The following LRP4 variants were observed in gnomAD, a reference collection of about 807,000 sequenced individuals.
LRP4 encodes LDL receptor related protein 4, also known as low-density lipoprotein receptor-related protein 4.
LRP4 carries 95 observed loss-of-function variants against 220.3 expected under a neutral mutation model. The ratio of observed to expected loss-of-function variants is 0.43; its 90% confidence interval spans 0.37 to 0.51. The LOEUF (loss-of-function observed/expected upper bound fraction) is 0.51. Among genes scored for constraint, LRP4 ranks in the 20% least tolerant of loss-of-function variants. LRP4 has a pLI of 0.00. For synonymous variants in LRP4, 903 were observed against 954.6 expected (o/e 0.95, Z 1.00); for missense variants, 1,925 against 2,567.0 (o/e 0.75, Z 5.40).
chr11:46,885,942 A>T (rs1941283214), intron 18 of LRP4, 149 bp downstream of exon 18: 1 of 741,600 alleles, frequency 1.3e-6, no homozygotes, highest in Non-Finnish European at 2.4e-6. Flanking sequence ...TCGGCTCTGC[A>T]GCAGCCCTCC....
chr11:46,858,725 G>C lies in LRP4; in HGVS notation c.*258C>G. On this transcript the variant is annotated 3_prime_UTR_variant, in exon 38 of 38. Transcript: ENST00000378623. ...GAATCACGAATAAGCAGTTTCAGGGGGCCCAGGATGGAGTACAAGATGTGA... is the reference window on the plus strand; with the variant it reads ...GAATCACGAATAAGCAGTTTCAGGGCGCCCAGGATGGAGTACAAGATGTGA... 1 of 520,234 alleles carries C rather than the reference G, an allele frequency of 1.9e-6. No homozygotes were observed. The highest frequency in any genetic ancestry group is 3.5e-6 in the Non-Finnish European group (1 of 284,604). The allele number at this position is 520,234 out of a possible 1,614,324, so 32.2% of individuals were successfully genotyped here.
chr11:46,869,918 C>A (rs1940815077), intron 31 of LRP4, among the ~76,000 whole-genome samples: 1 of 151,938 alleles, frequency 6.6e-6, no homozygotes, highest in African/African-American at 2.4e-5. Context: ...CCAGCCTGAC[C>A]AACATGGTGA....
intron 35 of LRP4, 123 bp downstream of exon 35, chr11:46,864,996 A>G (rs1940656354): frequency 2.4e-6 from 2 of 839,656 alleles, no homozygotes. Flanking sequence ...TATTATTTCT[A>G]TGGACTTAGT....
rs1941503315 is a variant in LRP4 at position 46,895,311 on chromosome 11, C to A, written c.1184-20G>T. On this transcript the variant is annotated intron_variant, in intron 10 of 37. Transcript: ENST00000378623. ...TCACATCTGGGAACACCAGGCAGGT[C>A]AAGAGATCTCCCTTCTGTCGTCCTC... 1 of 1,610,714 alleles carries A rather than the reference C, an allele frequency of 6.2e-7. No individual in the cohort carries two copies. Among genetic ancestry groups the A allele is most frequent in the African/African-American group, 1.3e-5 (1 of 74,938 alleles).
At chr11:46,903,522 C>CA (rs904959244) in intron 1 of LRP4, among the ~76,000 whole-genome samples, 15 of 150,112 alleles carry the variant, frequency 1.0e-4, no homozygotes, top group Non-Finnish European at 1.5e-4. Flanking sequence ...CAACCCCCTC[C>CA]AAAAAAAAAT....
chr11:46,913,754 CAG>C (rs943535933), intron 1 of LRP4, among the ~76,000 whole-genome samples: 2 of 152,134 alleles, frequency 1.3e-5, no homozygotes, highest in African/African-American at 4.8e-5. Context: ...GGGAAACTCT[CAG>C]AGGAAAAGCT....
At chr11:46,869,394 T>C (rs1940799144) in intron 31 of LRP4, among the ~76,000 whole-genome samples, 1 of 152,222 alleles carries the variant, frequency 6.6e-6, no homozygotes, top group Non-Finnish European at 1.5e-5. Flanking sequence ...AGCAATTTGT[T>C]TACTGGTCTG....
intron 32 of LRP4, 122 bp from the exon 33 acceptor site, chr11:46,868,835 T>G (rs975088086): frequency 7.0e-6 from 9 of 1,277,836 alleles, no homozygotes; most frequent in Admixed American, 1.8e-5. Context: ...GGAGGAGAGA[T>G]ACAACCGCGA....
Position 46,899,152 on chromosome 11 carries a change from C to G in LRP4, c.548-120G>C. 9.5e-7 allele frequency: 1 copy of G among 1,052,012 alleles called. No homozygotes were observed. Among genetic ancestry groups the G allele is most frequent in the South Asian group, 1.4e-5 (1 of 69,818 alleles). The allele number at this position is 1,052,012 out of a possible 1,614,324, so 65.2% of individuals were successfully genotyped here. ...GAGAGCTTCTTCAAGTGAGATGTAA[C>G]CAGGTTTCATCTGGGACAGCCCTTA... On this transcript the variant is annotated intron_variant, in intron 5 of 37. Coordinates refer to ENST00000378623, the MANE Select transcript of LRP4 (RefSeq NM_002334.4). This position sits in a 1 kb window ranked among gnomAD's most constrained non-coding sequence, Gnocchi z 5.9.
chr11:46,908,271 T>C (rs1465199903), intron 1 of LRP4, among the ~76,000 whole-genome samples: 1 of 152,138 alleles, frequency 6.6e-6, no homozygotes, highest in Non-Finnish European at 1.5e-5. Context: ...TCCGAGTACT[T>C]TTCTAAGTGC....
chr11:46,897,961 C>A (rs1367778290), intron 7 of LRP4, among the ~76,000 whole-genome samples: 2 of 150,456 alleles, frequency 1.3e-5, no homozygotes, highest in Non-Finnish European at 3.0e-5. Context: ...CGGGCAGAGG[C>A]GCCCCTCACC....
intron 23 of LRP4, 96 bp from the exon 24 acceptor site, chr11:46,876,926 G>C: frequency 9.9e-7 from 1 of 1,009,110 alleles, no homozygotes; most frequent in Non-Finnish European, 1.6e-6. Context: ...GCATGTCAGA[G>C]AGCTCTGGAG....
chr11:46,895,767 T>C (rs1224507857), intron 10 of LRP4, 117 bp downstream of exon 10: 74 of 1,410,034 alleles, frequency 5.2e-5, no homozygotes, highest in Non-Finnish European at 6.9e-5. Context: ...CCTAGGGTTA[T>C]TGTGAGGACG....
intron 1 of LRP4, among the ~76,000 whole-genome samples, chr11:46,917,688 G>A (rs1941969472): frequency 6.6e-6 from 1 of 152,054 alleles, no homozygotes; most frequent in Non-Finnish European, 1.5e-5. Context: ...CCTTTAGGAC[G>A]ATCCAGGGCT....
At chr11:46,892,861 C>T (rs912740939) in intron 13 of LRP4, 112 bp downstream of exon 13, 28 of 1,354,168 alleles carry the variant, frequency 2.1e-5, no homozygotes, top group East Asian at 9.9e-5. Context: ...TGAGCCACCG[C>T]GCCCAGCTAC....
intron 31 of LRP4, 136 bp downstream of exon 31, chr11:46,871,389 G>A: frequency 2.7e-6 from 2 of 735,504 alleles, no homozygotes; most frequent in Non-Finnish European, 4.9e-6. Context: ...AAGGCTTCAG[G>A]GCACAGGAAA....
In LRP4 at chr11:46,899,373, C is replaced by T. The variant is rs1243797516; in HGVS notation, c.547+14G>A. ...CTCATCCAACCCAACAGCCTGAGGT[C>T]TGGGGCCACTCACGACAGTTCTCCT... On this transcript the variant is annotated intron_variant, in intron 5 of 37. Transcript: ENST00000378623. The surrounding 1 kb of genome is among the most constrained non-coding windows in gnomAD (Gnocchi z 5.9). The T allele has an allele frequency of 3.1e-6, 5 of 1,599,896 alleles. No homozygotes were observed. The highest frequency in any genetic ancestry group is 4.3e-6 in the Non-Finnish European group (5 of 1,167,248).
intron 7 of LRP4, among the ~76,000 whole-genome samples, chr11:46,897,526 C>T (rs59330277): frequency 0.07 from 10,312 of 148,056 alleles, 955 homozygotes; most frequent in African/African-American, 0.25. Context: ...TGCGGCCTTC[C>T]GCAGTGTTTG....
At position 46,886,257 on chromosome 11, in the gene LRP4, AAGG is replaced by A. The variant is rs1941290308; in HGVS notation, c.2424+65_2424+67del. 1.9e-6 allele frequency: 3 copies of A among 1,600,232 alleles called. No homozygotes were observed. The African/African-American group carries it at 4.0e-5, about 21-fold the overall frequency. On this transcript the variant is annotated intron_variant, in intron 17 of 37. Coordinates refer to ENST00000378623, the MANE Select transcript of LRP4 (RefSeq NM_002334.4). ...ACTCCACCAATTCTCAAGGTTGGCAAAGGTATGGGAAGCCCTTCCCTGGAGAGG... is the reference window on the plus strand; with the variant it reads ...ACTCCACCAATTCTCAAGGTTGGCAATATGGGAAGCCCTTCCCTGGAGAGG...
Sources: allele counts gnomAD v4.1 joint callset (sites outside exome capture counted in the v4.1 genomes callset), GRCh38; gene constraint gnomAD v4.1.1; non-coding constraint Gnocchi (gnomAD v3.1); transcripts MANE v1.5; gene names NCBI Gene and HGNC (gene_info 2026-07-23, HGNC 2026-07-21).